Variants in GSE1 observed in about 807,000 individuals in gnomAD.
GSE1 encodes the protein genetic suppressor element 1.
In GSE1, 32 loss-of-function variants were observed where a neutral mutation model predicts 112.6. That is an observed-to-expected ratio of 0.28 (90% CI 0.21 to 0.38). GSE1 has a LOEUF of 0.38. GSE1 is among the 10% of genes least tolerant of loss of function. The pLI, the probability that GSE1 is intolerant of heterozygous loss-of-function variation, is 1.00. For synonymous variants in GSE1, 1,115 were observed against 735.6 expected (o/e 1.52, Z -8.35); for missense variants, 2,348 against 1,699.2 (o/e 1.38, Z -6.71).
intron 2 of GSE1, among the ~76,000 whole-genome samples, chr16:85,640,112 G>A (rs975813756): frequency 6.6e-6 from 1 of 152,188 alleles, no homozygotes; most frequent in Non-Finnish European, 1.5e-5. Flanking sequence ...GGCTGGCGAG[G>A]AAGCCCCACC....
intron 3 of GSE1, among the ~76,000 whole-genome samples, chr16:85,652,627 C>T (rs931709665): frequency 6.6e-6 from 1 of 152,170 alleles, no homozygotes; most frequent in Non-Finnish European, 1.5e-5. Context: ...GGCGCCGGCC[C>T]GGGCTGCCTG....
intron 2 of GSE1, among the ~76,000 whole-genome samples, chr16:85,474,804 G>A (rs371100684): frequency 6.6e-6 from 1 of 152,086 alleles, no homozygotes; most frequent in Non-Finnish European, 1.5e-5. Context: ...GCCTGGAGAA[G>A]AAAGATGCCA....
chr16:85,415,539 T>A (rs947616602), intron 2 of GSE1, among the ~76,000 whole-genome samples: 2 of 152,228 alleles, frequency 1.3e-5, no homozygotes, highest in African/African-American at 4.8e-5. Context: ...GCAAGGCAGA[T>A]GGCCGCCTTC....
At chr16:85,558,739 A>G (rs1207986448) in intron 1 of GSE1, among the ~76,000 whole-genome samples, 1 of 152,190 alleles carries the variant, frequency 6.6e-6, no homozygotes, top group African/African-American at 2.4e-5. Context: ...CTGGGGTTTT[A>G]CACTTTATTG....
intron 1 of GSE1, among the ~76,000 whole-genome samples, chr16:85,309,066 T>C (rs2045758114): frequency 6.6e-6 from 1 of 151,576 alleles, no homozygotes; most frequent in Non-Finnish European, 1.5e-5. Context: ...GTCTCTGCAT[T>C]TCTGACAGGC....
chr16:85,320,883 C>G (rs1427868284), intron 1 of GSE1, among the ~76,000 whole-genome samples: 1 of 152,170 alleles, frequency 6.6e-6, no homozygotes, highest in Non-Finnish European at 1.5e-5. Context: ...GGCCTTGGTA[C>G]CTGCTGTCCT....
intron 7 of GSE1, among the ~76,000 whole-genome samples, 186 bp downstream of exon 7, chr16:85,656,851 G>A (rs988094434): frequency 6.6e-6 from 1 of 152,246 alleles, no homozygotes; most frequent in Admixed American, 6.5e-5. Flanking sequence ...TAGACACAGT[G>A]GATATAGCTG....
At chr16:85,610,371 G>A (rs575036907), upstream of GSE1, among the ~76,000 whole-genome samples, 169 of 152,346 alleles carry the variant, frequency 1.1e-3, no homozygotes, top group African/African-American at 3.9e-3. Context: ...CTATCTGGGG[G>A]CGCGGGGCTG....
intron 1 of GSE1, among the ~76,000 whole-genome samples, chr16:85,182,241 C>T (rs2074602821): frequency 6.6e-6 from 1 of 152,202 alleles, no homozygotes; most frequent in African/African-American, 2.4e-5. Context: ...CAATACCCAC[C>T]ATCAGCCTCG....
At chr16:85,672,045 C>G (rs1253351556) in intron 15 of GSE1, 1 of 231,572 alleles carries the variant, frequency 4.3e-6, no homozygotes, top group African/African-American at 2.3e-5. Flanking sequence ...GTCACCCAAG[C>G]TGGAATGCAG....
chr16:85,499,342 A>C (rs9934305), intron 2 of GSE1, among the ~76,000 whole-genome samples: 1 of 133,768 alleles, frequency 7.5e-6, no homozygotes, highest in African/African-American at 2.8e-5. Context: ...ACAGAGTCTC[A>C]CTCAGTCGCC....
chr16:85,458,739 G>T (rs545375718), intron 2 of GSE1, among the ~76,000 whole-genome samples: 1 of 152,108 alleles, frequency 6.6e-6, no homozygotes, highest in Non-Finnish European at 1.5e-5. Flanking sequence ...GCAGAGCAAG[G>T]CTGTGTCCTC....
At chr16:85,254,417 G>A (rs554389299) in intron 1 of GSE1, among the ~76,000 whole-genome samples, 4 of 152,308 alleles carry the variant, frequency 2.6e-5, no homozygotes, top group South Asian at 2.1e-4. Context: ...CTCCCACAGC[G>A]CCTCGCACAC....
intron 2 of GSE1, among the ~76,000 whole-genome samples, chr16:85,456,623 TGTGTGTGTGTGTGTGTGG>T (rs1276119145): frequency 6.7e-6 from 1 of 149,346 alleles, no homozygotes; most frequent in African/African-American, 2.5e-5. Flanking sequence ...TGTGTGTGTG[TGTGTGTGTGTGTGTGTGG>T]TCTGCCATTT....
intron 1 of GSE1, among the ~76,000 whole-genome samples, chr16:85,567,000 G>A (rs1388499656): frequency 6.6e-6 from 1 of 152,006 alleles, no homozygotes; most frequent in Non-Finnish European, 1.5e-5. Flanking sequence ...CTTTATCTTA[G>A]ATCTTAAGGG....
chr16:85,553,215 G>A (rs918350807), upstream of GSE1, among the ~76,000 whole-genome samples: 1 of 150,518 alleles, frequency 6.6e-6, no homozygotes, highest in Non-Finnish European at 1.5e-5. Context: ...GGGGGCTGGA[G>A]CGGAGGCCCG....
intron 2 of GSE1, among the ~76,000 whole-genome samples, chr16:85,382,627 TG>T (rs1437285870): frequency 1.3e-5 from 2 of 152,144 alleles, no homozygotes; most frequent in East Asian, 3.9e-4. Context: ...AGGGACAGAA[TG>T]GGGAGCAGGG....
rs1300017866 is a variant in GSE1, at chr16:85,673,714, T to C, written c.*1175T>C. On this transcript the variant is annotated 3_prime_UTR_variant, in exon 16 of 16. Coordinates refer to ENST00000253458, the MANE Select transcript of GSE1 (RefSeq NM_014615.5). ...TGCCCCCAGCATCTGGACAAGCTAA[T>C]AGCAAATATTACCCATTGCTATCAA... 1 of 152,174 alleles carries C rather than the reference T, an allele frequency of 6.6e-6. No individual in the cohort carries two copies. The highest frequency in any genetic ancestry group is 1.5e-5 in the Non-Finnish European group (1 of 68,024). 9.4% of individuals were successfully genotyped at this position (152,174 alleles called of 1,614,324 possible).
intron 2 of GSE1, among the ~76,000 whole-genome samples, chr16:85,433,287 C>A (rs1304264292): frequency 2.6e-5 from 4 of 151,798 alleles, no homozygotes. Context: ...ATTTTACAGG[C>A]AAAGGAACTG....
Sources: gnomAD v4.1 joint callset for allele counts (sites outside exome capture counted in the v4.1 genomes callset) on GRCh38, gnomAD v4.1.1 for gene constraint, MANE v1.5 for transcripts, NCBI Gene and HGNC (gene_info 2026-07-23, HGNC 2026-07-21) for gene names.